The following PIK3R6 variants were observed in gnomAD, a reference collection of about 807,000 sequenced individuals.
The protein encoded by PIK3R6 is phosphoinositide-3-kinase regulatory subunit 6, also known as phosphoinositide 3-kinase regulatory subunit 6.
Under a neutral mutation model 84.9 loss-of-function variants are expected in PIK3R6, and 91 were observed. The observed-to-expected ratio is 1.07, with a 90% CI of 0.90 to 1.28. The LOEUF is 1.28. Ranked by LOEUF, PIK3R6 falls within the 50% of genes most tolerant of loss-of-function variation. The probability of loss-of-function intolerance (pLI) is 0.00; values close to 1 mark genes in which losing one functional copy is unlikely to be tolerated. For missense variants in PIK3R6, 996 were observed against 985.1 expected, an observed-to-expected ratio of 1.01 and a Z score of -0.15; for synonymous variants, 416 against 411.4, an observed-to-expected ratio of 1.01 and a Z score of -0.13.
rs1442838037 is a variant in PIK3R6, at chr17:8,837,012, G to A, written c.259-89C>T. ...GGTGAAGGGTCCCGGGGGAGTTTCC[G>A]GGGAGGGGCTTGGGAGAAGAGGTGG... is the stretch of plus-strand genomic sequence containing the variant. On this transcript the variant is annotated intron_variant, in intron 5 of 19. Coordinates refer to ENST00000619866, the MANE Select transcript of PIK3R6 (RefSeq NM_001010855.4). 14 of 1,000,320 alleles carry A rather than the reference G, an allele frequency of 1.4e-5. No individual in the cohort carries two copies. In the East Asian group the frequency reaches 1.9e-4, roughly 13 times the overall value. The allele number at this position is 1,000,320 out of a possible 1,614,324, so 62.0% of individuals were successfully genotyped here.
intron 18 of PIK3R6, among the ~76,000 whole-genome samples, chr17:8,813,523 A>G (rs1208760223): frequency 6.6e-6 from 1 of 152,196 alleles, no homozygotes; most frequent in African/African-American, 2.4e-5. Context: ...GTACTAGCAA[A>G]CCAAATTCAA....
At chr17:8,858,000 C>G (rs746518125) in intron 1 of PIK3R6, among the ~76,000 whole-genome samples, 2 of 152,120 alleles carry the variant, frequency 1.3e-5, no homozygotes, top group Non-Finnish European at 2.9e-5. Context: ...CATTCACTCA[C>G]GCATTCACTC....
intron 18 of PIK3R6, among the ~76,000 whole-genome samples, chr17:8,813,656 T>C (rs1443278000): frequency 2.6e-5 from 4 of 152,150 alleles, no homozygotes; most frequent in Non-Finnish European, 5.9e-5. Context: ...AAAACAAAAA[T>C]TATGCAATTG....
In PIK3R6 at chr17:8,839,773, G is replaced by A; in HGVS notation, c.14-76C>T. 1 of 1,270,612 alleles carries A rather than the reference G, an allele frequency of 7.9e-7. No individual in the cohort carries two copies. Among genetic ancestry groups the A allele is most frequent in the Non-Finnish European group, 1.1e-6 (1 of 914,058 alleles). 78.7% of individuals were successfully genotyped at this position (1,270,612 alleles called of 1,614,324 possible). A position where few individuals can be genotyped will look rare whatever the true frequency, so the allele number is the denominator to read the frequency against. On this transcript the variant is annotated intron_variant, in intron 2 of 19. Coordinates refer to ENST00000619866, the MANE Select transcript of PIK3R6 (RefSeq NM_001010855.4). This position sits in a 1 kb window ranked among gnomAD's most constrained non-coding sequence, Gnocchi z 4.2. ...CGTCCCACCTCCATTCCTTCCGAGA[G>A]TGTCTTTAGCCATTTCTCTGAGCCT...
chr17:8,828,878 A>C lies in PIK3R6; in HGVS notation c.1002T>G (p.Ser334=). ...LRPDRELARV[S]VLSTDSGIER... ...CAATGCCGCTGTCAGTGGACAGCAC[A>C]GAAACCCGGGCCAACTCCCGGTCCG... Residue 334 remains serine (S), a synonymous_variant, in exon 11 of 20, where the codon TCT becomes TCG. Coordinates refer to ENST00000619866, the MANE Select transcript of PIK3R6 (RefSeq NM_001010855.4). 6.3e-7 allele frequency: 1 copy of C among 1,582,990 alleles called. No homozygotes were observed. Among genetic ancestry groups the C allele is most frequent in the East Asian group, 2.3e-5 (1 of 44,330 alleles).
At chr17:8,861,422 T>G (rs2089282032) in intron 1 of PIK3R6, among the ~76,000 whole-genome samples, 1 of 152,214 alleles carries the variant, frequency 6.6e-6, no homozygotes, top group Non-Finnish European at 1.5e-5. Context: ...CAGTTTCACT[T>G]TCTGCAATTT....
At chr17:8,850,085 C>T (rs2088908862) in intron 1 of PIK3R6, among the ~76,000 whole-genome samples, 200 bp from the exon 2 acceptor site, 1 of 152,120 alleles carries the variant, frequency 6.6e-6, no homozygotes, top group Admixed American at 6.5e-5. Context: ...GGGTGGATCA[C>T]TTGAGGTCAG....
At chr17:8,863,893 A>C (rs1266513947) in intron 1 of PIK3R6, among the ~76,000 whole-genome samples, 1 of 152,196 alleles carries the variant, frequency 6.6e-6, no homozygotes, top group Non-Finnish European at 1.5e-5. Flanking sequence ...GTGGGAACCT[A>C]AAAAAGGCCC....
intron 1 of PIK3R6, among the ~76,000 whole-genome samples, chr17:8,855,203 C>T (rs140018746): frequency 0.013 from 1,912 of 142,014 alleles, 42 homozygotes; most frequent in African/African-American, 0.051. Flanking sequence ...AGAAACAAAA[C>T]AAAACAAAAC....
chr17:8,826,267 A>C (rs2087912546), intron 13 of PIK3R6, among the ~76,000 whole-genome samples: 1 of 152,224 alleles, frequency 6.6e-6, no homozygotes, highest in Non-Finnish European at 1.5e-5. Context: ...AGTGCTCAGG[A>C]AACATCAGCT....
At chr17:8,814,460 C>T (rs945594416) in intron 18 of PIK3R6, among the ~76,000 whole-genome samples, 2 of 151,908 alleles carry the variant, frequency 1.3e-5, no homozygotes, top group South Asian at 2.1e-4. Context: ...CCTCGTGATC[C>T]GCCCTCCTCT....
intron 12 of PIK3R6, among the ~76,000 whole-genome samples, chr17:8,827,510 G>A (rs2087963490): frequency 6.6e-6 from 1 of 152,164 alleles, no homozygotes; most frequent in African/African-American, 2.4e-5. Context: ...ATTGAAAAAT[G>A]ATCACCGACT....
intron 9 of PIK3R6, among the ~76,000 whole-genome samples, chr17:8,830,909 C>T (rs528550511): frequency 3.8e-4 from 57 of 150,918 alleles, no homozygotes; most frequent in Admixed American, 1.8e-3. Flanking sequence ...TTTGGGACGC[C>T]GAGGAGGGTG....
At chr17:8,833,540 AC>A (rs938015159) in intron 8 of PIK3R6, among the ~76,000 whole-genome samples, 1 of 120,364 alleles carries the variant, frequency 8.3e-6, no homozygotes, top group African/African-American at 3.2e-5. Flanking sequence ...TGAGAAAGTG[AC>A]TTTTTTTTTT....
chr17:8,836,885 A>G lies in PIK3R6; in HGVS notation c.297T>C (p.Tyr99=), dbSNP rs1176409377. ...GGGTCAGTAACCTTGTGCAAAAGGC[A>G]TAGATTCTCTGGTAGAGCTCTTCTG... ...GITEELYQRI[Y]AFCTRLLTLP... Residue 99 remains tyrosine (Y), a synonymous_variant, in exon 6 of 20, where the codon TAT becomes TAC. Coordinates refer to ENST00000619866, the MANE Select transcript of PIK3R6 (RefSeq NM_001010855.4). The G allele has an allele frequency of 6.5e-7, 1 of 1,539,124 alleles. No homozygotes were observed. Among genetic ancestry groups the G allele is most frequent in the African/African-American group, 1.4e-5 (1 of 72,694 alleles).
In PIK3R6 at chr17:8,840,988, G is replaced by A. The variant is rs147167492; in HGVS notation, c.14-1291C>T. On this transcript the variant is annotated intron_variant, in intron 2 of 19. Coordinates refer to ENST00000619866, the MANE Select transcript of PIK3R6 (RefSeq NM_001010855.4). ...AGGATGGTCTCAATCTCCTGACCTC[G>A]TGATCTGCCCGCCTCGGCCTTCCAA... Among the ~76,000 whole-genome samples, 437 of 152,094 alleles carry A rather than the reference G, an allele frequency of 2.9e-3. 3 individuals are homozygous for A. The highest frequency in any genetic ancestry group is 5.8e-3 in the South Asian group (28 of 4,820).
At position 8,837,880 on chromosome 17, in the gene PIK3R6, C is replaced by T. The variant is rs768774646; in HGVS notation, c.190-9G>A. 1 of 1,612,108 alleles carries T rather than the reference C, an allele frequency of 6.2e-7. No individual in the cohort carries two copies. The highest frequency in any genetic ancestry group is 8.5e-7 in the Non-Finnish European group (1 of 1,178,302). On this transcript the variant is annotated splice_polypyrimidine_tract_variant and intron_variant, in intron 4 of 19. Transcript: ENST00000619866. ...AGGTCCTGGCTTTCCGCCTGGAAAACAGGAGATCACGTGACAGGTATTGGG... is the reference window on the plus strand; with the variant it reads ...AGGTCCTGGCTTTCCGCCTGGAAAATAGGAGATCACGTGACAGGTATTGGG...
intron 1 of PIK3R6, among the ~76,000 whole-genome samples, chr17:8,867,076 T>G (rs1370456987): frequency 6.6e-6 from 1 of 152,208 alleles, no homozygotes; most frequent in East Asian, 1.9e-4. Flanking sequence ...TAACCCACTC[T>G]GCAATCTTTG....
At position 8,821,917 on chromosome 17, in the gene PIK3R6, G is replaced by A. The variant is rs772441769; in HGVS notation, c.1808C>T (p.Pro603Leu). The A allele has an allele frequency of 8.8e-6, 14 of 1,587,372 alleles. No individual in the cohort carries two copies. In the Admixed American group the frequency reaches 2.3e-4, roughly 26 times the overall value. Residue 603 changes from proline to leucine, a missense_variant, in exon 17 of 20, where the codon CCC becomes CTC. By Grantham distance (98) the Pro-to-Leu change is moderately conservative. Transcript: ENST00000619866. ...CYQKALLSHRPREVTVSLRAT... is the reference protein window; with the variant it reads ...CYQKALLSHRLREVTVSLRAT... Reference sequence around the variant, plus strand: ...CCGCAGGGAAACGGTGACCTCTCGGGGCCGGTGGCTAAGCAAGGCCTGAGG... The same window carrying A: ...CCGCAGGGAAACGGTGACCTCTCGGAGCCGGTGGCTAAGCAAGGCCTGAGG...
Sources: gnomAD v4.1 joint callset for allele counts (sites outside exome capture counted in the v4.1 genomes callset) on GRCh38, gnomAD v4.1.1 for gene constraint, Gnocchi (gnomAD v3.1) non-coding constraint, MANE v1.5 for transcripts, NCBI Gene and HGNC (gene_info 2026-07-23, HGNC 2026-07-21) for gene names.